FREM2: variants seen among roughly 807,000 people sequenced by gnomAD.
The protein encoded by FREM2 is FRAS1-related extracellular matrix protein 2.
A neutral mutation model predicts 219.9 loss-of-function variants in FREM2; 119 were observed. The ratio of observed to expected loss-of-function variants is 0.54; its 90% CI spans 0.47 to 0.63. FREM2 has a LOEUF of 0.63. FREM2 is among the 30% of genes least tolerant of loss of function. The probability of loss-of-function intolerance (pLI) is 0.00; values close to 1 mark genes in which losing one functional copy is unlikely to be tolerated. For synonymous variants in FREM2, 1,562 were observed against 1,522.8 expected, an observed-to-expected ratio of 1.03 and a Z score of -0.60; for missense variants, 4,030 against 3,993.6, an observed-to-expected ratio of 1.01 and a Z score of -0.25.
chr13:38,689,737 G>A lies in FREM2; in HGVS notation c.2393G>A (p.Arg798Gln), dbSNP rs746604701. ...GGTCAAGAACTGGGCGTGGCTACTC[G>A]AGTGGCCCAGTTCCAGTTCCAGGTG... ...PPGQELGVATRVAQFQFQVED... is the reference protein window; with the variant it reads ...PPGQELGVATQVAQFQFQVED... The change falls in exon 1 of 24, where the codon CGA (arginine) becomes CAA (glutamine). Residue 798 changes from arginine to glutamine, a missense_variant. Around this residue, in one of 2 missense-constraint regions of FREM2, gnomAD observed 3,102 missense variants for 2,950.7 expected, o/e 1.05. Transcript: ENST00000280481. The A allele has an allele frequency of 1.2e-5, 19 of 1,613,214 alleles. No individual in the cohort carries two copies. The highest frequency in any genetic ancestry group is 4.0e-5 in the African/African-American group (3 of 74,902).
At chr13:38,862,964 A>G (rs1466826511) in intron 15 of FREM2, among the ~76,000 whole-genome samples, 1 of 152,204 alleles carries the variant, frequency 6.6e-6, no homozygotes, top group Non-Finnish European at 1.5e-5. Flanking sequence ...AGGGACCACA[A>G]TGCTAAAATA....
intron 2 of FREM2, among the ~76,000 whole-genome samples, chr13:38,728,033 T>A (rs1871600797): frequency 6.6e-6 from 1 of 152,216 alleles, no homozygotes; most frequent in South Asian, 2.1e-4. Context: ...GGCCCATTTC[T>A]TGGATGAAGA....
intron 6 of FREM2, among the ~76,000 whole-genome samples, chr13:38,795,629 A>G (rs1874739380): frequency 6.6e-6 from 1 of 152,132 alleles, no homozygotes. Context: ...TGAAATATAC[A>G]ATACATCATT....
Position 38,883,531 on chromosome 13 carries a change from A to T in FREM2, c.*2744A>T, listed in dbSNP as rs1021300029. On this transcript the variant is annotated 3_prime_UTR_variant, in exon 24 of 24. Transcript: ENST00000280481. ...AAATATTATTCAAGTGGCTCTTCTA[A>T]GCATGTGAATCATGAAGCACTGAAA... 1 of 152,182 alleles carries T rather than the reference A, an allele frequency of 6.6e-6. No homozygotes were observed. The highest frequency in any genetic ancestry group is 2.4e-5 in the African/African-American group (1 of 41,438). 9.4% of individuals were successfully genotyped at this position (152,182 alleles called of 1,614,324 possible). A position where few individuals can be genotyped will look rare whatever the true frequency, so the allele number is the denominator to read the frequency against.
chr13:38,851,222 GT>G, intron 10 of FREM2, 114 bp downstream of exon 10: 1 of 982,308 alleles, frequency 1.0e-6, no homozygotes, highest in South Asian at 1.4e-5. Flanking sequence ...TATGACTAGG[GT>G]TTTTAAGCAA....
intron 6 of FREM2, among the ~76,000 whole-genome samples, chr13:38,811,807 C>T (rs1321287773): frequency 6.6e-6 from 1 of 151,992 alleles, no homozygotes; most frequent in African/African-American, 2.4e-5. Context: ...TCTATTAGGT[C>T]CATTTGTTCT....
chr13:38,703,861 A>G (rs1461824812), intron 2 of FREM2, among the ~76,000 whole-genome samples: 1 of 152,170 alleles, frequency 6.6e-6, no homozygotes, highest in African/African-American at 2.4e-5. Context: ...ACATGATTTC[A>G]TATTACTCAG....
intron 6 of FREM2, among the ~76,000 whole-genome samples, chr13:38,792,790 G>A (rs1396285570): frequency 6.6e-6 from 1 of 151,822 alleles, no homozygotes; most frequent in East Asian, 1.9e-4. Flanking sequence ...TTAATCATTC[G>A]ATTTTCATTG....
At chr13:38,811,407 G>GT (rs1875470310) in intron 6 of FREM2, among the ~76,000 whole-genome samples, 1 of 151,764 alleles carries the variant, frequency 6.6e-6, no homozygotes, top group South Asian at 2.1e-4. Context: ...TTTATTTGAA[G>GT]TTTTTTCTGT....
intron 2 of FREM2, among the ~76,000 whole-genome samples, chr13:38,752,837 G>T (rs1463064164): frequency 4.6e-5 from 7 of 152,160 alleles, no homozygotes; most frequent in African/African-American, 1.4e-4. Flanking sequence ...GTGCTAAACC[G>T]GTTACTCAAA....
At chr13:38,784,493 G>A in intron 5 of FREM2, 64 bp from the exon 6 acceptor site, 1 of 1,576,622 alleles carries the variant, frequency 6.3e-7, no homozygotes, top group Non-Finnish European at 8.7e-7. Context: ...GAAAATAATT[G>A]TGTCTGGAAA....
intron 3 of FREM2, among the ~76,000 whole-genome samples, chr13:38,768,551 A>G (rs973085013): frequency 6.6e-5 from 10 of 152,154 alleles, no homozygotes; most frequent in Non-Finnish European, 1.3e-4. Flanking sequence ...TGCTGGGATG[A>G]TAAACCTGAG....
intron 6 of FREM2, among the ~76,000 whole-genome samples, chr13:38,836,683 G>A (rs9603447): frequency 0.076 from 11,497 of 152,146 alleles, 899 homozygotes; most frequent in African/African-American, 0.2. Context: ...AAGGGTGTAT[G>A]TGTCCAGGAA....
intron 16 of FREM2, among the ~76,000 whole-genome samples, chr13:38,866,624 G>A (rs148026940): frequency 0.038 from 5,637 of 147,610 alleles, 165 homozygotes; most frequent in African/African-American, 0.083. Flanking sequence ...CCGAGATCGC[G>A]CCATTGCACT....
At chr13:38,783,219 A>G (rs754822192) in intron 5 of FREM2, 24 bp downstream of exon 5, 2 of 1,613,704 alleles carry the variant, frequency 1.2e-6, no homozygotes, top group Admixed American at 3.3e-5. Context: ...CCGAAAAACT[A>G]AGATAACCCC....
intron 6 of FREM2, among the ~76,000 whole-genome samples, chr13:38,787,260 C>T (rs1002743274): frequency 6.6e-6 from 1 of 152,156 alleles, no homozygotes; most frequent in Admixed American, 6.5e-5. Context: ...ATTGCTTCTT[C>T]ATTCACTCAA....
rs182460026 is a variant in FREM2, at chr13:38,700,103, A to T, written c.5263+2316A>T. Among the ~76,000 whole-genome samples, 470 of 152,214 alleles carry T rather than the reference A, an allele frequency of 3.1e-3. 4 individuals are homozygous for T. The highest frequency in any genetic ancestry group is 0.011 in the African/African-American group (449 of 41,550). On this transcript the variant is annotated intron_variant, in intron 2 of 23. Transcript: ENST00000280481. ...TTTATAACAGTAACTATCTAAGGAA[A>T]TTAGTGGGGCAACCATCATCCATGA...
intron 2 of FREM2, among the ~76,000 whole-genome samples, chr13:38,708,464 G>A (rs1870627919): frequency 6.6e-6 from 1 of 152,026 alleles, no homozygotes; most frequent in Non-Finnish European, 1.5e-5. Flanking sequence ...GACCAGCCTG[G>A]ACAACATGGT....
chr13:38,757,704 C>T (rs1040001991), intron 2 of FREM2, among the ~76,000 whole-genome samples: 2 of 152,020 alleles, frequency 1.3e-5, no homozygotes, highest in Non-Finnish European at 2.9e-5. Flanking sequence ...AAGCAATTCT[C>T]CTGTCTCAGC....
Sources: gnomAD v4.1 joint callset for allele counts (sites outside exome capture counted in the v4.1 genomes callset) on GRCh38, gnomAD v4.1.1 for gene constraint, gnomAD v4.1.1 regional missense constraint, MANE v1.5 for transcripts, NCBI Gene and HGNC (gene_info 2026-07-23, HGNC 2026-07-21) for gene names.